COQ9: variants seen among roughly 807,000 people sequenced by gnomAD.
COQ9 encodes the protein coenzyme Q9, also known as ubiquinone biosynthesis protein COQ9, mitochondrial.
A neutral mutation model predicts 42.4 loss-of-function variants in COQ9; 35 were observed. The observed-to-expected ratio is 0.83, with a 90% confidence interval of 0.63 to 1.10. COQ9 has a LOEUF of 1.10. Among genes scored for constraint, COQ9 ranks in the 50% least tolerant of loss-of-function variants. The pLI, the probability that COQ9 is intolerant of heterozygous loss-of-function variation, is 0.00. For missense variants in COQ9, 406 were observed against 414.6 expected (o/e 0.98, Z 0.18); for synonymous variants, 155 against 155.1 (o/e 1.00, Z 0.00).
chr16:57,458,377 A>G, intron 6 of COQ9, 27 bp downstream of exon 6: 1 of 1,478,100 alleles, frequency 6.8e-7, no homozygotes, highest in Non-Finnish European at 9.4e-7. Context: ...GGCCCACAGG[A>G]GGCTGGGAAA....
At chr16:57,448,352 T>TC (rs2030189021) in intron 1 of COQ9, among the ~76,000 whole-genome samples, 1 of 151,758 alleles carries the variant, frequency 6.6e-6, no homozygotes, top group Admixed American at 6.6e-5. Context: ...TTCTTTTTTT[T>TC]TTTTTTCTGA....
In COQ9 at chr16:57,451,227, A is replaced by G. The variant is rs755903844; in HGVS notation, c.242+19A>G. 10 of 1,613,508 alleles carry G rather than the reference A, an allele frequency of 6.2e-6. No individual in the cohort carries two copies. The highest frequency in any genetic ancestry group is 1.3e-5 in the African/African-American group (1 of 74,880). ...CCCCCAGGTAGGCACCAATCCACCT[A>G]TTTCTGGCCACTTCATATGCTTCAT... is the stretch of plus-strand genomic sequence containing the variant. On this transcript the variant is annotated intron_variant, in intron 2 of 8. Coordinates refer to ENST00000262507, the MANE Select transcript of COQ9 (RefSeq NM_020312.4).
chr16:57,457,801 C>T (rs1256599326), intron 5 of COQ9, among the ~76,000 whole-genome samples: 1 of 152,214 alleles, frequency 6.6e-6, no homozygotes. Flanking sequence ...GAAAACCTTA[C>T]AGCCAATCCA....
At chr16:57,453,978 T>C (rs772177653) in intron 3 of COQ9, 4 of 152,228 alleles carry the variant, frequency 2.6e-5, no homozygotes, top group African/African-American at 4.8e-5. Context: ...GAGCTTCCAG[T>C]CTAGCAACAT....
At chr16:57,456,810 G>A in intron 4 of COQ9, 121 bp from the exon 5 acceptor site, 1 of 1,278,506 alleles carries the variant, frequency 7.8e-7, no homozygotes, top group Non-Finnish European at 1.1e-6. Flanking sequence ...GTCTCTGACG[G>A]CTTTAGTCAG....
At chr16:57,449,348 T>G (rs1399749798) in intron 1 of COQ9, among the ~76,000 whole-genome samples, 1 of 152,166 alleles carries the variant, frequency 6.6e-6, no homozygotes, top group Non-Finnish European at 1.5e-5. Context: ...ATGCTTATGT[T>G]AGTGTGTGTT....
chr16:57,458,242 C>T lies in COQ9; in HGVS notation c.607-4C>T, dbSNP rs752117470. The stretch of plus-strand genomic sequence containing the variant: ...AGCTTACTCCTCTGCCATTCTCTCT[C>T]CAGGCCCTCAGCATCCTCATGCTCC... On this transcript the variant is annotated splice_region_variant and splice_polypyrimidine_tract_variant and intron_variant, in intron 5 of 8. Coordinates refer to ENST00000262507, the MANE Select transcript of COQ9 (RefSeq NM_020312.4). 36 of 1,604,084 alleles carry T rather than the reference C, an allele frequency of 2.2e-5. No individual in the cohort carries two copies. Among genetic ancestry groups the T allele is most frequent in the Non-Finnish European group, 3.0e-5 (35 of 1,174,818 alleles).
chr16:57,453,071 T>C (rs1432856925), intron 3 of COQ9, 135 bp downstream of exon 3: 8 of 1,170,948 alleles, frequency 6.8e-6, no homozygotes, highest in Admixed American at 5.5e-5. Flanking sequence ...ACTGGTTTTT[T>C]TCCCCCAATA....
chr16:57,458,945 A>G (rs1375430451), intron 6 of COQ9, among the ~76,000 whole-genome samples: 1 of 152,264 alleles, frequency 6.6e-6, no homozygotes, highest in African/African-American at 2.4e-5. Flanking sequence ...AGTTATAACA[A>G]AGTGTTTTAA....
Position 57,460,075 on chromosome 16 carries a change from G to T in COQ9, c.892G>T (p.Val298Leu), listed in dbSNP as rs140788797. ...KQVKSTGEAL[V>L]QGLMGAAVTL... Reference sequence around the variant, plus strand: ...GGTAAAGTCCACAGGAGAGGCACTGGTGCAAGGACTCATGGGTGCAGCAGT... The same window carrying T: ...GGTAAAGTCCACAGGAGAGGCACTGTTGCAAGGACTCATGGGTGCAGCAGT... Residue 298 changes from valine (V) to leucine (L), a missense_variant, in exon 8 of 9, where the codon GTG becomes TTG. Coordinates refer to ENST00000262507, the MANE Select transcript of COQ9 (RefSeq NM_020312.4). The T allele has an allele frequency of 6.2e-7, 1 of 1,614,116 alleles. No homozygotes were observed. The highest frequency in any genetic ancestry group is 8.5e-7 in the Non-Finnish European group (1 of 1,180,026).
intron 5 of COQ9, 181 bp downstream of exon 5, chr16:57,457,196 T>C: frequency 2.9e-6 from 2 of 684,292 alleles, no homozygotes; most frequent in Non-Finnish European, 5.3e-6. Context: ...CCAAAGAGAG[T>C]GACTGAGCCA....
chr16:57,449,433 G>A (rs1223371102), intron 1 of COQ9, among the ~76,000 whole-genome samples: 3 of 152,106 alleles, frequency 2.0e-5, no homozygotes, highest in Admixed American at 2.0e-4. Flanking sequence ...CCTGATCAAG[G>A]AGAGAATCTT....
At chr16:57,450,309 G>A (rs1444475665) in intron 1 of COQ9, among the ~76,000 whole-genome samples, 1 of 151,870 alleles carries the variant, frequency 6.6e-6, no homozygotes, top group Non-Finnish European at 1.5e-5. Context: ...CAGCTACTCG[G>A]GAGGCTGAGG....
intron 5 of COQ9, 64 bp downstream of exon 5, chr16:57,457,079 T>A: frequency 8.0e-7 from 1 of 1,255,358 alleles, no homozygotes; most frequent in South Asian, 1.2e-5. Context: ...TCTCAGCACC[T>A]TTCACTCAGA....
chr16:57,449,489 A>C (rs1385992555), intron 1 of COQ9, among the ~76,000 whole-genome samples: 6 of 152,134 alleles, frequency 3.9e-5, no homozygotes, highest in African/African-American at 1.4e-4. Context: ...AATCTCAAAA[A>C]TATACTAAGT....
In COQ9 at chr16:57,460,266, T is replaced by C. The variant is rs223868; in HGVS notation, c.921+162T>C. Reference sequence around the variant, plus strand: ...CCCTAGTGTCTTGATTCCAAAAACCTCACTTCTTTATTTTTTCCTGTCATC... The same window carrying C: ...CCCTAGTGTCTTGATTCCAAAAACCCCACTTCTTTATTTTTTCCTGTCATC... On this transcript the variant is annotated intron_variant, in intron 8 of 8. Transcript: ENST00000262507. 0.78 allele frequency among the ~76,000 whole-genome samples: 119,389 copies of C among 152,166 alleles called. 47,735 individuals are homozygous for C. Among genetic ancestry groups the C allele is most frequent in the African/African-American group, 0.94 (38,988 of 41,544 alleles).
intron 1 of COQ9, among the ~76,000 whole-genome samples, chr16:57,448,155 A>G (rs1279409971): frequency 3.3e-5 from 5 of 152,234 alleles, no homozygotes; most frequent in South Asian, 2.1e-4. Context: ...ACTTTAGCAT[A>G]CATACATAAC....
At chr16:57,458,048 G>T in intron 5 of COQ9, 198 bp from the exon 6 acceptor site, 2 of 613,118 alleles carry the variant, frequency 3.3e-6, no homozygotes, top group Admixed American at 4.5e-5. Context: ...TGCATAAGAC[G>T]GGGCTATGCC....
intron 6 of COQ9, among the ~76,000 whole-genome samples, chr16:57,459,304 T>C (rs778419347): frequency 3.2e-4 from 49 of 152,238 alleles, no homozygotes; most frequent in Non-Finnish European, 5.4e-4. Context: ...GGGATACTTA[T>C]TAAGTTTCCT....
Sources: allele counts gnomAD v4.1 joint callset (sites outside exome capture counted in the v4.1 genomes callset), GRCh38; gene constraint gnomAD v4.1.1; transcripts MANE v1.5; gene names NCBI Gene and HGNC (gene_info 2026-07-23, HGNC 2026-07-21).